TOX2: variants seen among roughly 807,000 people sequenced by gnomAD.
The protein encoded by TOX2 is TOX high mobility group box family member 2.
In TOX2, 15 loss-of-function variants were observed where a neutral mutation model predicts 47.4. That is an observed-to-expected ratio of 0.32 (90% CI 0.21 to 0.49). The LOEUF (loss-of-function observed/expected upper bound fraction) is 0.49, where lower values mean the gene tolerates loss of function less well. Among genes scored for constraint, TOX2 ranks in the 20% least tolerant of loss-of-function variants. The pLI is 0.99. For missense variants in TOX2, 622 were observed against 673.1 expected, an observed-to-expected ratio of 0.92 and a Z score of 0.84; for synonymous variants, 290 against 296.6, an observed-to-expected ratio of 0.98 and a Z score of 0.23.
intron 1 of TOX2, among the ~76,000 whole-genome samples, chr20:43,918,676 A>G (rs1336274655): frequency 2.0e-5 from 3 of 152,230 alleles, no homozygotes; most frequent in East Asian, 1.9e-4. Flanking sequence ...AGTTTGTTCC[A>G]TTTAATTGCT....
At chr20:43,918,686 T>C (rs554175641) in intron 1 of TOX2, among the ~76,000 whole-genome samples, 2 of 152,376 alleles carry the variant, frequency 1.3e-5, no homozygotes, top group East Asian at 3.9e-4. Context: ...ATTTAATTGC[T>C]GAGTAATATT....
intron 1 of TOX2, among the ~76,000 whole-genome samples, chr20:43,942,364 C>T (rs1306022300): frequency 2.0e-5 from 3 of 152,202 alleles, no homozygotes; most frequent in Non-Finnish European, 4.4e-5. Context: ...GTCCCTGCCC[C>T]TCACCCTGGG....
At position 43,915,409 on chromosome 20, in the gene TOX2, C is replaced by T. The variant is rs900631239; in HGVS notation, c.99+419C>T. Among the ~76,000 whole-genome samples, 1 of 152,160 alleles carries T rather than the reference C, an allele frequency of 6.6e-6. No homozygotes were observed. The highest frequency in any genetic ancestry group is 1.9e-4 in the East Asian group (1 of 5,186). The stretch of plus-strand genomic sequence containing the variant: ...CCGCCACAGACGAGTCACCCACAGA[C>T]GCTCCGATGCCCCACACACCGTGAC... On this transcript the variant is annotated intron_variant, in intron 1 of 8. Coordinates refer to ENST00000341197, the MANE Select transcript of TOX2 (RefSeq NM_001098797.2). This position sits in a 1 kb window ranked among gnomAD's most constrained non-coding sequence, Gnocchi z 7.1.
intron 1 of TOX2, among the ~76,000 whole-genome samples, chr20:43,944,200 A>G (rs147061074): frequency 3.3e-5 from 5 of 152,360 alleles, no homozygotes; most frequent in African/African-American, 1.2e-4. Context: ...GTCAGGCCCC[A>G]TGCTGGGAGC....
chr20:43,979,523 T>G (rs778567592), intron 2 of TOX2, among the ~76,000 whole-genome samples: 1 of 152,092 alleles, frequency 6.6e-6, no homozygotes, highest in Non-Finnish European at 1.5e-5. Context: ...ATAAAATCCT[T>G]TGATAATGGG....
intron 1 of TOX2, among the ~76,000 whole-genome samples, chr20:43,934,230 TC>T (rs1333914770): frequency 1.3e-5 from 2 of 151,174 alleles, no homozygotes; most frequent in African/African-American, 4.9e-5. Flanking sequence ...AGGGAGGACT[TC>T]CTGGCAGAGG....
chr20:43,920,427 G>T (rs567097613), intron 1 of TOX2, among the ~76,000 whole-genome samples: 48 of 152,316 alleles, frequency 3.2e-4, no homozygotes, highest in Non-Finnish European at 5.4e-4. Context: ...TTTCTTCAGG[G>T]GCACAGGTGG....
At chr20:44,060,474 C>T (rs1016877919) in intron 5 of TOX2, among the ~76,000 whole-genome samples, 3 of 152,060 alleles carry the variant, frequency 2.0e-5, no homozygotes, top group African/African-American at 7.2e-5. Flanking sequence ...GCACATGGAA[C>T]GTTCTCCAAG....
At chr20:43,994,805 A>G (rs1406151690) in intron 2 of TOX2, among the ~76,000 whole-genome samples, 1 of 152,176 alleles carries the variant, frequency 6.6e-6, no homozygotes, top group East Asian at 1.9e-4. Flanking sequence ...TTAGTCAACA[A>G]AACTCCTGTC....
intron 1 of TOX2, among the ~76,000 whole-genome samples, chr20:43,971,983 T>C (rs943694803): frequency 6.6e-6 from 1 of 152,188 alleles, no homozygotes; most frequent in African/African-American, 2.4e-5. Flanking sequence ...TTTGTACTCT[T>C]GGAATTTTGA....
intron 1 of TOX2, among the ~76,000 whole-genome samples, chr20:43,958,419 C>G (rs2069702165): frequency 6.6e-6 from 1 of 152,248 alleles, no homozygotes; most frequent in African/African-American, 2.4e-5. Flanking sequence ...AGCACACATA[C>G]CGGTTTTCCC....
chr20:43,991,503 G>C (rs2070367620), intron 2 of TOX2, among the ~76,000 whole-genome samples: 1 of 152,116 alleles, frequency 6.6e-6, no homozygotes, highest in Non-Finnish European at 1.5e-5. Flanking sequence ...CTTTTATTCA[G>C]TAAATGTTTA....
intron 1 of TOX2, among the ~76,000 whole-genome samples, chr20:43,954,522 A>G (rs1282188004): frequency 6.6e-6 from 1 of 152,196 alleles, no homozygotes; most frequent in African/African-American, 2.4e-5. Flanking sequence ...GGGGGCACTC[A>G]GCGAACAAAC....
At chr20:43,927,625 C>CTTCCTCCCCTTCCCTTCCCCTTCCT (rs146262327) in intron 1 of TOX2, among the ~76,000 whole-genome samples, 2 of 81,382 alleles carry the variant, frequency 2.5e-5, no homozygotes, top group African/African-American at 1.2e-4. Flanking sequence ...TCCTTCCTTC[C>CTTCCTCCCCTTCCCTTCCCCTTCCT]TCCTTCCTTC....
intron 5 of TOX2, among the ~76,000 whole-genome samples, chr20:44,060,482 A>AAGAT (rs1271282925): frequency 2.6e-5 from 4 of 152,192 alleles, no homozygotes; most frequent in African/African-American, 9.6e-5. Flanking sequence ...AACGTTCTCC[A>AAGAT]AGATAGACCA....
intron 1 of TOX2, among the ~76,000 whole-genome samples, chr20:43,962,952 A>G (rs2069787184): frequency 6.6e-6 from 1 of 152,226 alleles, no homozygotes; most frequent in South Asian, 2.1e-4. Context: ...TACATCATCA[A>G]TATACAAATA....
chr20:43,930,056 G>T (rs2069233408), intron 1 of TOX2, among the ~76,000 whole-genome samples: 1 of 152,144 alleles, frequency 6.6e-6, no homozygotes, highest in African/African-American at 2.4e-5. Flanking sequence ...GAAATTACTT[G>T]GTTGCTCCCC....
At chr20:44,037,037 C>A (rs1311296109) in intron 3 of TOX2, among the ~76,000 whole-genome samples, 8 of 152,228 alleles carry the variant, frequency 5.3e-5, no homozygotes, top group Non-Finnish European at 1.0e-4. Flanking sequence ...TCATTGCAAC[C>A]TCTACCTCCC....
chr20:43,990,786 C>G (rs894651901), intron 2 of TOX2, among the ~76,000 whole-genome samples: 1 of 152,072 alleles, frequency 6.6e-6, no homozygotes, highest in African/African-American at 2.4e-5. Flanking sequence ...CCTGGGATCT[C>G]GGGGCACTCA....
Sources: allele counts gnomAD v4.1 joint callset (sites outside exome capture counted in the v4.1 genomes callset), GRCh38; gene constraint gnomAD v4.1.1; non-coding constraint Gnocchi (gnomAD v3.1); transcripts MANE v1.5; gene names NCBI Gene and HGNC (gene_info 2026-07-23, HGNC 2026-07-21).